ARHGAP44: variants seen among roughly 807,000 people sequenced by gnomAD.
ARHGAP44 encodes the protein rho GTPase-activating protein 44.
Under a neutral mutation model 106.8 loss-of-function variants are expected in ARHGAP44, and 43 were observed. The observed-to-expected ratio is 0.40, with a 90% CI of 0.32 to 0.52. The LOEUF (loss-of-function observed/expected upper bound fraction) is 0.52. Ranked by LOEUF, ARHGAP44 falls within the 20% of genes least tolerant of loss-of-function variation. The probability of loss-of-function intolerance (pLI) is 0.48; values close to 1 mark genes in which losing one functional copy is unlikely to be tolerated. For synonymous variants in ARHGAP44, 439 were observed against 410.3 expected (o/e 1.07, Z -0.85); for missense variants, 866 against 1,050.5 (o/e 0.82, Z 2.43).
At chr17:12,989,879 CTG>C (rs1282525562) in intron 20 of ARHGAP44, among the ~76,000 whole-genome samples, 151 bp from the exon 21 acceptor site, 9 of 152,188 alleles carry the variant, frequency 5.9e-5, no homozygotes, top group Admixed American at 3.9e-4. Context: ...ACCTGATCGA[CTG>C]TGCAACACAA....
chr17:12,990,613 A>T lies in ARHGAP44; in HGVS notation c.*442A>T, dbSNP rs1189453676. On this transcript the variant is annotated 3_prime_UTR_variant, in exon 21 of 21. Transcript: ENST00000379672. ...GCAGGATCAGTTTAATGGCCACAGA[A>T]AGGAAGCAGGACAGCAGGGCCCCTC... 1 of 161,386 alleles carries T rather than the reference A, an allele frequency of 6.2e-6. No homozygotes were observed. Among genetic ancestry groups the T allele is most frequent in the Non-Finnish European group, 1.4e-5 (1 of 72,690 alleles). The allele number at this position is 161,386 out of a possible 1,614,324, so 10.0% of individuals were successfully genotyped here.
At chr17:12,823,530 T>C (rs1363538005) in intron 1 of ARHGAP44, among the ~76,000 whole-genome samples, 3 of 152,216 alleles carry the variant, frequency 2.0e-5, no homozygotes, top group African/African-American at 7.2e-5. Flanking sequence ...CTCTCTCCTC[T>C]GCCCCACCTG....
intron 1 of ARHGAP44, among the ~76,000 whole-genome samples, chr17:12,795,892 G>A (rs1297124902): frequency 1.3e-5 from 2 of 152,034 alleles, no homozygotes; most frequent in Non-Finnish European, 2.9e-5. Context: ...TTTCTGTCCA[G>A]GAAGCAGATG....
At chr17:12,944,806 C>A (rs1361283361) in intron 10 of ARHGAP44, among the ~76,000 whole-genome samples, 4 of 150,874 alleles carry the variant, frequency 2.7e-5, no homozygotes, top group Non-Finnish European at 5.9e-5. Flanking sequence ...TATTACTACT[C>A]CTTCTCCTTT....
At chr17:12,841,042 G>A (rs2035375832) in intron 1 of ARHGAP44, among the ~76,000 whole-genome samples, 1 of 152,154 alleles carries the variant, frequency 6.6e-6, no homozygotes, top group South Asian at 2.1e-4. Flanking sequence ...GGACGTCTGA[G>A]CAGGTGAAAG....
At chr17:12,819,313 C>T (rs2034693242) in intron 1 of ARHGAP44, among the ~76,000 whole-genome samples, 1 of 151,898 alleles carries the variant, frequency 6.6e-6, no homozygotes, top group African/African-American at 2.4e-5. Context: ...CTCAAATATG[C>T]CATAATTTGT....
At chr17:12,803,821 A>G (rs1567622032) in intron 1 of ARHGAP44, among the ~76,000 whole-genome samples, 1 of 152,154 alleles carries the variant, frequency 6.6e-6, no homozygotes, top group Admixed American at 6.5e-5. Context: ...GGGGAAAAAA[A>G]TCCTAGCACT....
In ARHGAP44 at chr17:12,958,861, C is replaced by T; in HGVS notation, c.1487C>T (p.Thr496Met). The change falls in exon 16 of 21, where the codon ACG becomes ATG. Residue 496 changes from threonine (T) to methionine (M), a missense_variant. Thr to Met is a moderately conservative substitution (Grantham distance 81). Coordinates refer to ENST00000379672, the MANE Select transcript of ARHGAP44 (RefSeq NM_014859.6). This position sits in a 1 kb window ranked among gnomAD's most constrained non-coding sequence, Gnocchi z 4.1. ...EQARRPLSVATDNMMLEFYKK... is the reference protein window; with the variant it reads ...EQARRPLSVAMDNMMLEFYKK... ...GCCCGCCGGCCCCTCAGCGTCGCCACGGATAATATGATGCTGGAGTTTTAC... is the reference window on the plus strand; with the variant it reads ...GCCCGCCGGCCCCTCAGCGTCGCCATGGATAATATGATGCTGGAGTTTTAC... 1 of 1,611,216 alleles carries T rather than the reference C, an allele frequency of 6.2e-7. No individual in the cohort carries two copies. The highest frequency in any genetic ancestry group is 8.5e-7 in the Non-Finnish European group (1 of 1,178,700).
intron 20 of ARHGAP44, chr17:12,987,411 T>C (rs1175413988): frequency 2.4e-6 from 1 of 410,990 alleles, no homozygotes; most frequent in Non-Finnish European, 4.4e-6. Context: ...CCACCTTCTC[T>C]TTCACTGGAA....
intron 16 of ARHGAP44, among the ~76,000 whole-genome samples, chr17:12,969,968 GA>G (rs927260520): frequency 1.3e-5 from 2 of 152,122 alleles, no homozygotes; most frequent in Admixed American, 1.3e-4. Flanking sequence ...ACCATCTCAT[GA>G]AAAATACCCA....
intron 16 of ARHGAP44, among the ~76,000 whole-genome samples, chr17:12,971,061 C>G (rs959962111): frequency 1.3e-5 from 2 of 152,162 alleles, no homozygotes; most frequent in Non-Finnish European, 2.9e-5. Flanking sequence ...TGTGATGCTC[C>G]CTCTTATGAG....
At chr17:12,870,013 T>C (rs72813167) in intron 1 of ARHGAP44, among the ~76,000 whole-genome samples, 22,352 of 150,670 alleles carry the variant, frequency 0.15, 1,887 homozygotes, top group Middle Eastern at 0.23. Context: ...TACTTTTTTT[T>C]CCATCCTCAA....
intron 1 of ARHGAP44, among the ~76,000 whole-genome samples, chr17:12,832,915 G>T (rs909598841): frequency 6.6e-6 from 1 of 152,186 alleles, no homozygotes; most frequent in Non-Finnish European, 1.5e-5. Flanking sequence ...TAAAATCACA[G>T]ATCTCCCTTG....
chr17:12,917,805 A>G (rs1195242914), intron 5 of ARHGAP44, among the ~76,000 whole-genome samples: 1 of 152,120 alleles, frequency 6.6e-6, no homozygotes, highest in Non-Finnish European at 1.5e-5. Flanking sequence ...TCAATTTTTT[A>G]GTTTCTTTAA....
chr17:12,856,940 G>C (rs1025091974), intron 1 of ARHGAP44, among the ~76,000 whole-genome samples: 2 of 152,190 alleles, frequency 1.3e-5, no homozygotes, highest in East Asian at 1.9e-4. Context: ...TTTACTTTCT[G>C]TAGTTTGTAT....
At chr17:12,794,546 A>G (rs2033862089) in intron 1 of ARHGAP44, among the ~76,000 whole-genome samples, 1 of 152,150 alleles carries the variant, frequency 6.6e-6, no homozygotes, top group Admixed American at 6.6e-5. Context: ...AAAATGAGTG[A>G]TGTTCAAAGT....
At chr17:12,811,830 G>A (rs1210901749) in intron 1 of ARHGAP44, among the ~76,000 whole-genome samples, 1 of 152,156 alleles carries the variant, frequency 6.6e-6, no homozygotes, top group East Asian at 1.9e-4. Flanking sequence ...CTGTCATCAT[G>A]CGTGTTCTCC....
chr17:12,925,018 G>C (rs532094612), intron 6 of ARHGAP44, among the ~76,000 whole-genome samples: 16 of 152,260 alleles, frequency 1.1e-4, no homozygotes, highest in African/African-American at 3.9e-4. Context: ...GGGGCAGTGT[G>C]AAGTCTTGTT....
In ARHGAP44 at chr17:12,868,591, T is replaced by TATATATATATA. The variant is rs2036305530; in HGVS notation, c.54-26349_54-26348insATATATATATA. 1.5e-4 allele frequency among the ~76,000 whole-genome samples: 7 copies of TATATATATATA among 47,150 alleles called. 2 individuals carry two copies. The South Asian group carries it at 3.6e-3, about 24-fold the overall frequency. 30.9% of individuals were successfully genotyped at this position (47,150 alleles called of 152,430 possible). On this transcript the variant is annotated intron_variant, in intron 1 of 20. Coordinates refer to ENST00000379672, the MANE Select transcript of ARHGAP44 (RefSeq NM_014859.6). ...ATTTAAAAAGTCATATATATGCATT[T>TATATATATATA]TATATATATATATATATATATATAT...
Sources: gnomAD v4.1 joint callset for allele counts (sites outside exome capture counted in the v4.1 genomes callset) on GRCh38, gnomAD v4.1.1 for gene constraint, Gnocchi (gnomAD v3.1) non-coding constraint, MANE v1.5 for transcripts, NCBI Gene and HGNC (gene_info 2026-07-23, HGNC 2026-07-21) for gene names.